The following SV2B variants were observed in gnomAD, a reference collection of about 807,000 sequenced individuals.
The protein encoded by SV2B is synaptic vesicle glycoprotein 2B, also known as solute carrier family 22 member B2.
A neutral mutation model predicts 73.9 loss-of-function variants in SV2B; 41 were observed. The observed-to-expected ratio is 0.56, with a 90% confidence interval of 0.43 to 0.72. The LOEUF (loss-of-function observed/expected upper bound fraction) is 0.72. Among genes scored for constraint, SV2B ranks in the 30% least tolerant of loss-of-function variants. The pLI, the probability that SV2B is intolerant of heterozygous loss-of-function variation, is 0.00. For synonymous variants in SV2B, 314 were observed against 314.2 expected (o/e 1.00, Z 0.01); for missense variants, 764 against 857.8 (o/e 0.89, Z 1.37).
chr15:91,221,456 A>AT (rs899295201), intron 1 of SV2B, among the ~76,000 whole-genome samples: 7 of 151,998 alleles, frequency 4.6e-5, no homozygotes, highest in East Asian at 1.9e-4. Context: ...CTGAAAAAAT[A>AT]TTTTTTTTAA....
chr15:91,104,712 A>C (rs2041830710), intron 1 of SV2B, among the ~76,000 whole-genome samples: 1 of 152,216 alleles, frequency 6.6e-6, no homozygotes. Flanking sequence ...AGCTCACTGC[A>C]ACCTCAGCCT....
Position 91,283,878 on chromosome 15 carries a change from A to G in SV2B, c.1508-143A>G. On this transcript the variant is annotated intron_variant, in intron 10 of 12. Coordinates refer to ENST00000394232, the MANE Select transcript of SV2B (RefSeq NM_001323032.3). This position sits in a 1 kb window ranked among gnomAD's most constrained non-coding sequence, Gnocchi z 4.3. Reference sequence around the variant, plus strand: ...CCATACCTTGATGACATGGCCACATATTACCTTGACTTTGAGGCTGTCTGA... The same window carrying G: ...CCATACCTTGATGACATGGCCACATGTTACCTTGACTTTGAGGCTGTCTGA... The G allele has an allele frequency of 1.2e-6, 1 of 818,868 alleles. No individual in the cohort carries two copies. Among genetic ancestry groups the G allele is most frequent in the Non-Finnish European group, 2.0e-6 (1 of 497,576 alleles). The allele number at this position is 818,868 out of a possible 1,614,324, so 50.7% of individuals were successfully genotyped here.
chr15:91,132,217 A>G lies in SV2B; in HGVS notation c.-392+31854A>G, dbSNP rs111347634. ...CAGCTACAGAATCGTCTCGGGTCCAAATACCCTCTAGAAGTTTCCCATTGG... is the reference window on the plus strand; with the variant it reads ...CAGCTACAGAATCGTCTCGGGTCCAGATACCCTCTAGAAGTTTCCCATTGG... On this transcript the variant is annotated intron_variant, in intron 1 of 12. Coordinates refer to ENST00000394232, the MANE Select transcript of SV2B (RefSeq NM_001323032.3). The surrounding 1 kb of genome is among the most constrained non-coding windows in gnomAD (Gnocchi z 4.6). 0.092 allele frequency among the ~76,000 whole-genome samples: 14,025 copies of G among 152,266 alleles called. 794 individuals carry two copies. The highest frequency in any genetic ancestry group is 0.12 in the Non-Finnish European group (8,455 of 67,990).
In SV2B at chr15:91,290,809, A is replaced by G. The variant is rs2049015081; in HGVS notation, c.1868+1129A>G. ...AAGGATTGCTTGAAGGCTGGAGTTCAAGATCAGCCTGGGCAATACAGTGAG... is the reference window on the plus strand; with the variant it reads ...AAGGATTGCTTGAAGGCTGGAGTTCGAGATCAGCCTGGGCAATACAGTGAG... On this transcript the variant is annotated intron_variant, in intron 12 of 12. Transcript: ENST00000394232. The surrounding 1 kb of genome is among the most constrained non-coding windows in gnomAD (Gnocchi z 4.7). Among the ~76,000 whole-genome samples the G allele has an allele frequency of 6.6e-6, 1 of 152,060 alleles. No individual in the cohort carries two copies.
rs1263665127 is a variant in SV2B, at chr15:91,103,796, C to T, written c.-392+3433C>T. ...TCTGGCTGGGTGTCCCCGAGTCCAC[C>T]TCAGAAGGCAACATTTACTTCTGTG... On this transcript the variant is annotated intron_variant, in intron 1 of 12. Coordinates refer to ENST00000394232, the MANE Select transcript of SV2B (RefSeq NM_001323032.3). 3.9e-5 allele frequency among the ~76,000 whole-genome samples: 6 copies of T among 152,322 alleles called. No homozygotes were observed. The East Asian group carries it at 1.2e-3, about 29-fold the overall frequency.
chr15:91,238,830 G>A (rs2046891065), intron 2 of SV2B, among the ~76,000 whole-genome samples: 1 of 152,178 alleles, frequency 6.6e-6, no homozygotes, highest in African/African-American at 2.4e-5. Flanking sequence ...TAAGTATGGA[G>A]CAGAGCAACA....
rs569314894 is a variant in SV2B, at chr15:91,187,665, T to G, written c.-391-38208T>G. ...TTCATTCAATTTTATGTTTTGTTTTTTTTTTTTAAATTGTGGCAACATATA... is the reference window on the plus strand; with the variant it reads ...TTCATTCAATTTTATGTTTTGTTTTGTTTTTTTAAATTGTGGCAACATATA... On this transcript the variant is annotated intron_variant, in intron 1 of 12. Transcript: ENST00000394232. Among the ~76,000 whole-genome samples the G allele has an allele frequency of 4.0e-5, 6 of 151,304 alleles. No individual in the cohort carries two copies. In the East Asian group the frequency reaches 9.6e-4, roughly 24 times the overall value.
chr15:91,136,463 G>A lies in SV2B; in HGVS notation c.-392+36100G>A, dbSNP rs1259044872. On this transcript the variant is annotated intron_variant, in intron 1 of 12. Transcript: ENST00000394232. This position sits in a 1 kb window ranked among gnomAD's most constrained non-coding sequence, Gnocchi z 5.6. The stretch of plus-strand genomic sequence containing the variant: ...CCATCCAGCTAGTGGAGAACCAGTG[G>A]GAAGGCCCATGCGTCTCGGGTGCTT... Among the ~76,000 whole-genome samples, 2 of 152,204 alleles carry A rather than the reference G, an allele frequency of 1.3e-5. No individual in the cohort carries two copies. Among genetic ancestry groups the A allele is most frequent in the Non-Finnish European group, 2.9e-5 (2 of 68,036 alleles).
At chr15:91,112,909 T>C (rs1431880932) in intron 1 of SV2B, among the ~76,000 whole-genome samples, 3 of 152,200 alleles carry the variant, frequency 2.0e-5, no homozygotes, top group African/African-American at 7.2e-5. Flanking sequence ...CTCAAACTCC[T>C]GGGCTCAAGA....
intron 1 of SV2B, among the ~76,000 whole-genome samples, chr15:91,196,268 C>T (rs529202764): frequency 1.4e-4 from 21 of 152,290 alleles, no homozygotes; most frequent in African/African-American, 5.1e-4. Context: ...CAACAAGGTT[C>T]TCTGTGTCTA....
chr15:91,262,618 C>A (rs2047949769), intron 6 of SV2B, among the ~76,000 whole-genome samples: 1 of 152,088 alleles, frequency 6.6e-6, no homozygotes, highest in Non-Finnish European at 1.5e-5. Flanking sequence ...CTCCCACCCT[C>A]CACCCCCAAG....
In SV2B at chr15:91,110,553, G is replaced by A. The variant is rs569155583; in HGVS notation, c.-392+10190G>A. ...GCTCTATCGCACGCAGAATCTGACC[G>A]TGGCCTCTCGCCTGATCTGGGGTGC... On this transcript the variant is annotated intron_variant, in intron 1 of 12. Coordinates refer to ENST00000394232, the MANE Select transcript of SV2B (RefSeq NM_001323032.3). The surrounding 1 kb of genome is among the most constrained non-coding windows in gnomAD (Gnocchi z 5.4). 3.3e-5 allele frequency among the ~76,000 whole-genome samples: 5 copies of A among 152,322 alleles called. No homozygotes were observed. The highest frequency in any genetic ancestry group is 4.1e-4 in the South Asian group (2 of 4,828).
intron 2 of SV2B, among the ~76,000 whole-genome samples, chr15:91,249,491 C>A (rs2047397349): frequency 6.6e-6 from 1 of 152,104 alleles, no homozygotes; most frequent in Non-Finnish European, 1.5e-5. Flanking sequence ...TGGGGGTGAG[C>A]AGATGAAGAA....
At chr15:91,159,097 C>T (rs1158339322) in intron 1 of SV2B, among the ~76,000 whole-genome samples, 2 of 152,058 alleles carry the variant, frequency 1.3e-5, no homozygotes. Flanking sequence ...AGAAATCAGT[C>T]TCCAAGAGCA....
chr15:91,170,938 T>C (rs1041538225), intron 1 of SV2B, among the ~76,000 whole-genome samples: 1 of 152,194 alleles, frequency 6.6e-6, no homozygotes, highest in Non-Finnish European at 1.5e-5. Flanking sequence ...ATAAATATTA[T>C]TACATCCCCT....
In SV2B at chr15:91,230,244, T is replaced by A. The variant is rs1225637612; in HGVS notation, c.451+3530T>A. Among the ~76,000 whole-genome samples the A allele has an allele frequency of 2.2e-3, 283 of 129,824 alleles. 1 individual carries two copies. The highest frequency in any genetic ancestry group is 6.9e-3 in the African/African-American group (244 of 35,192). The allele number at this position is 129,824 out of a possible 152,430, so 85.2% of individuals were successfully genotyped here. On this transcript the variant is annotated intron_variant, in intron 2 of 12. Coordinates refer to ENST00000394232, the MANE Select transcript of SV2B (RefSeq NM_001323032.3). Reference sequence around the variant, plus strand: ...TGAAAGAGTGACACCTTGTCTCATTTAAAAAAAAAAAAAAAAAGAAAAGAA... The same window carrying A: ...TGAAAGAGTGACACCTTGTCTCATTAAAAAAAAAAAAAAAAAAGAAAAGAA...
Position 91,118,059 on chromosome 15 carries a change from A to G in SV2B, c.-392+17696A>G, listed in dbSNP as rs1412878421. 6.6e-6 allele frequency among the ~76,000 whole-genome samples: 1 copy of G among 152,232 alleles called. No individual in the cohort carries two copies. The highest frequency in any genetic ancestry group is 1.5e-5 in the Non-Finnish European group (1 of 68,044). Reference sequence around the variant, plus strand: ...GGGTCTATGTAAGTAGAGGGATTAAAAAAAGTGGGTAGAATTTTTGAAATC... The same window carrying G: ...GGGTCTATGTAAGTAGAGGGATTAAGAAAAGTGGGTAGAATTTTTGAAATC... On this transcript the variant is annotated intron_variant, in intron 1 of 12. Transcript: ENST00000394232. This position sits in a 1 kb window ranked among gnomAD's most constrained non-coding sequence, Gnocchi z 4.7.
chr15:91,211,140 G>A (rs113186850), intron 1 of SV2B, among the ~76,000 whole-genome samples: 85 of 152,356 alleles, frequency 5.6e-4, no homozygotes, highest in South Asian at 1.7e-3. Flanking sequence ...TTTCGAAGCC[G>A]CTAAGAGAGT....
At chr15:91,187,109 A>G (rs1224866912) in intron 1 of SV2B, among the ~76,000 whole-genome samples, 1 of 152,236 alleles carries the variant, frequency 6.6e-6, no homozygotes, top group Non-Finnish European at 1.5e-5. Context: ...GGCAGGCAGT[A>G]ACATTTCACG....
Sources: allele counts gnomAD v4.1 joint callset (sites outside exome capture counted in the v4.1 genomes callset), GRCh38; gene constraint gnomAD v4.1.1; non-coding constraint Gnocchi (gnomAD v3.1); transcripts MANE v1.5; gene names NCBI Gene and HGNC (gene_info 2026-07-23, HGNC 2026-07-21).